The following IFITM2 variants were observed in gnomAD, a reference collection of about 807,000 sequenced individuals.
IFITM2 encodes the protein interferon induced transmembrane protein 2, also known as interferon-induced transmembrane protein 2.
IFITM2 carries 3 observed loss-of-function variants against 5.9 expected under a neutral mutation model. That is an observed-to-expected ratio of 0.51 (90% CI 0.23 to 1.32). The LOEUF (loss-of-function observed/expected upper bound fraction) is 1.32. Among genes scored for constraint, IFITM2 ranks in the 40% most tolerant of loss-of-function variants. The probability of loss-of-function intolerance (pLI) is 0.18; values close to 1 mark genes in which losing one functional copy is unlikely to be tolerated. For synonymous variants in IFITM2, 76 were observed against 72.4 expected (o/e 1.05, Z -0.25); for missense variants, 159 against 175.9 (o/e 0.90, Z 0.54).
At chr11:308,483 G>A in intron 1 of IFITM2, 45 bp downstream of exon 1, 1 of 1,608,554 alleles carries the variant, frequency 6.2e-7, no homozygotes, top group Non-Finnish European at 8.5e-7. Flanking sequence ...CGGTGAGCCT[G>A]GGGCTCCACC....
chr11:308,128 GA>G lies in IFITM2; in HGVS notation c.-63del. On this transcript the variant is annotated 5_prime_UTR_variant, in exon 1 of 2. Transcript: ENST00000616316. Reference sequence around the variant, plus strand: ...GGAAGAGGAAACTGTTGAGAAAACGGAACTACTGGGGAAAGGGAGGGCTCAC... The same window carrying G: ...GGAAGAGGAAACTGTTGAGAAAACGGACTACTGGGGAAAGGGAGGGCTCAC... 1.3e-6 allele frequency: 2 copies of G among 1,583,878 alleles called. No individual in the cohort carries two copies. Among genetic ancestry groups the G allele is most frequent in the Non-Finnish European group, 1.7e-6 (2 of 1,160,390 alleles).
At chr11:308,916 G>T in intron 1 of IFITM2, 97 bp from the exon 2 acceptor site, 2 of 1,587,352 alleles carry the variant, frequency 1.3e-6, no homozygotes, top group Non-Finnish European at 1.7e-6. Context: ...GGTGGTCCCT[G>T]ATCTCAGGGC....
At position 308,766 on chromosome 11, in the gene IFITM2, G is replaced by C. The variant is rs909099; in HGVS notation, c.247-247G>C. ...CCTTCACCTTCCAGACTGGCACCCA[G>C]GCTCTCCCAGAAAGTGAGAAGGGAA... On this transcript the variant is annotated intron_variant, in intron 1 of 1. Coordinates refer to ENST00000616316, the MANE Select transcript of IFITM2 (RefSeq NM_006435.3). 4.2e-3 allele frequency: 3,034 copies of C among 715,710 alleles called. 21 individuals are homozygous for C. The highest frequency in any genetic ancestry group is 0.038 in the African/African-American group (2,076 of 54,360). 44.3% of individuals were successfully genotyped at this position (715,710 alleles called of 1,614,324 possible).
intron 1 of IFITM2, 117 bp downstream of exon 1, chr11:308,555 G>A (rs4990600): frequency 2.2e-5 from 32 of 1,451,838 alleles, no homozygotes; most frequent in South Asian, 7.1e-5. Flanking sequence ...TTGTGTGCAC[G>A]TCTGTCCTGT....
chr11:308,183 G>C lies in IFITM2; in HGVS notation c.-10G>C, dbSNP rs372336978. 5 of 1,611,148 alleles carry C rather than the reference G, an allele frequency of 3.1e-6. No individual in the cohort carries two copies. The African/African-American group carries it at 5.3e-5, about 17-fold the overall frequency. On this transcript the variant is annotated 5_prime_UTR_variant, in exon 1 of 2. Transcript: ENST00000616316. The stretch of plus-strand genomic sequence containing the variant: ...GAACCATCCCGGTAACCCGATCACC[G>C]CTGGTCACCATGAACCACATTGTGC...
At chr11:308,631 A>G (rs1845992617) in intron 1 of IFITM2, 193 bp downstream of exon 1, 1 of 937,078 alleles carries the variant, frequency 1.1e-6, no homozygotes, top group South Asian at 1.4e-5. Flanking sequence ...GAATCTGCCC[A>G]GTGCAGGTCT....
In IFITM2 at chr11:308,312, G is replaced by A. The variant is rs571867772; in HGVS notation, c.120G>A (p.Pro40=). 23 of 1,613,838 alleles carry A rather than the reference G, an allele frequency of 1.4e-5. No homozygotes were observed. In the East Asian group the frequency reaches 2.2e-4, roughly 16 times the overall value. The change falls in exon 1 of 2, where the codon CCG becomes CCA. Residue 40 remains proline (P), a synonymous_variant. Coordinates refer to ENST00000616316, the MANE Select transcript of IFITM2 (RefSeq NM_006435.3). ...MLGVPHNPAP[P]MSTVIHIRSE... Reference sequence around the variant, plus strand: ...GGGTGCCCCACAACCCTGCTCCCCCGATGTCCACCGTGATCCACATCCGCA... The same window carrying A: ...GGGTGCCCCACAACCCTGCTCCCCCAATGTCCACCGTGATCCACATCCGCA...
chr11:308,134 C>T lies in IFITM2; in HGVS notation c.-59C>T. On this transcript the variant is annotated 5_prime_UTR_variant, in exon 1 of 2. Transcript: ENST00000616316. ...GGAAACTGTTGAGAAAACGGAACTA[C>T]TGGGGAAAGGGAGGGCTCACTGAGA... 4 of 1,591,896 alleles carry T rather than the reference C, an allele frequency of 2.5e-6. No homozygotes were observed. Among genetic ancestry groups the T allele is most frequent in the Non-Finnish European group, 3.4e-6 (4 of 1,165,222 alleles).
intron 1 of IFITM2, 100 bp from the exon 2 acceptor site, chr11:308,913 C>T: frequency 6.3e-7 from 1 of 1,581,144 alleles, no homozygotes; most frequent in East Asian, 2.3e-5. Flanking sequence ...GGAGGTGGTC[C>T]CTGATCTCAG....
rs1058935 is a variant in IFITM2 at position 308,363 on chromosome 11, G to C, written c.171G>C (p.Val57=). The C allele has an allele frequency of 0.58, 934,259 of 1,599,282 alleles. 290,630 individuals are homozygous for C. Among genetic ancestry groups the C allele is most frequent in the East Asian group, 1 (44,766 of 44,810 alleles). The change falls in exon 1 of 2, where the codon GTG becomes GTC. Residue 57 remains valine (V), a synonymous_variant. Transcript: ENST00000616316. ...GCGAGACCTCCGTGCCTGACCATGT[G>C]GTCTGGTCCCTGTTCAACACCCTCT... ...IRSETSVPDH[V]VWSLFNTLFM...
rs376647548 is a variant in IFITM2, at chr11:308,270, G to C, written c.78G>C (p.Gln26His). Reference sequence around the variant, plus strand: ...ACTACGAGATGCTCAAGGAGGAGCAGGAAGTGGCTATGCTGGGGGTGCCCC... The same window carrying C: ...ACTACGAGATGCTCAAGGAGGAGCACGAAGTGGCTATGCTGGGGGTGCCCC... ...PPNYEMLKEE[Q>H]EVAMLGVPHN... The change falls in exon 1 of 2, where the codon CAG (glutamine) becomes CAC (histidine). Residue 26 changes from glutamine (Q) to histidine (H), a missense_variant. Coordinates refer to ENST00000616316, the MANE Select transcript of IFITM2 (RefSeq NM_006435.3). 110 of 1,614,060 alleles carry C rather than the reference G, an allele frequency of 6.8e-5. No individual in the cohort carries two copies. In the African/African-American group the frequency reaches 6.9e-4, roughly 10 times the overall value.
rs749049591 is a variant in IFITM2 at position 309,059 on chromosome 11, A to G, written c.293A>G (p.Tyr98Cys). Residue 98 changes from tyrosine (Y) to cysteine (C), a missense_variant, in exon 2 of 2, where the codon TAT becomes TGT. Tyr to Cys is a radical substitution (Grantham distance 194, BLOSUM62 -2). Transcript: ENST00000616316. ...GGCGACGTGACCGGGGCCCAGGCCTATGCCTCCACCGCCAAGTGCCTGAAC... is the reference window on the plus strand; with the variant it reads ...GGCGACGTGACCGGGGCCCAGGCCTGTGCCTCCACCGCCAAGTGCCTGAAC... ...MVGDVTGAQAYASTAKCLNIW... is the reference protein window; with the variant it reads ...MVGDVTGAQACASTAKCLNIW... The G allele has an allele frequency of 1.2e-6, 2 of 1,614,172 alleles. No individual in the cohort carries two copies. Among genetic ancestry groups the G allele is most frequent in the Non-Finnish European group, 1.7e-6 (2 of 1,180,022 alleles).
chr11:308,345 C>T lies in IFITM2; in HGVS notation c.153C>T (p.Thr51=). 5 of 1,613,846 alleles carry T rather than the reference C, an allele frequency of 3.1e-6. No homozygotes were observed. The highest frequency in any genetic ancestry group is 4.2e-6 in the Non-Finnish European group (5 of 1,179,830). The change falls in exon 1 of 2, where the codon ACC becomes ACT. Residue 51 remains threonine (T), a synonymous_variant. Transcript: ENST00000616316. ...MSTVIHIRSE[T]SVPDHVVWSL... ...CCGTGATCCACATCCGCAGCGAGACCTCCGTGCCTGACCATGTGGTCTGGT... is the reference window on the plus strand; with the variant it reads ...CCGTGATCCACATCCGCAGCGAGACTTCCGTGCCTGACCATGTGGTCTGGT...
At position 309,103 on chromosome 11, in the gene IFITM2, G is replaced by A; in HGVS notation, c.337G>A (p.Gly113Ser). The change falls in exon 2 of 2, where the codon GGC (glycine) becomes AGC (serine). Residue 113 changes from glycine (G) to serine (S), a missense_variant. Physicochemically the swap from Gly to Ser is moderately conservative, Grantham distance 56. Coordinates refer to ENST00000616316, the MANE Select transcript of IFITM2 (RefSeq NM_006435.3). ...CCTGAACATCTGGGCCCTGATTTTG[G>A]GCATCTTCATGACCATTCTGCTCAT... is the stretch of plus-strand genomic sequence containing the variant. ...KCLNIWALILGIFMTILLIII... is the reference protein window; with the variant it reads ...KCLNIWALILSIFMTILLIII... 1 of 1,614,208 alleles carries A rather than the reference G, an allele frequency of 6.2e-7. No individual in the cohort carries two copies. The highest frequency in any genetic ancestry group is 8.5e-7 in the Non-Finnish European group (1 of 1,180,038).
rs776864643 is a variant in IFITM2, at chr11:309,024, G to A, written c.258G>A (p.Arg86=). The A allele has an allele frequency of 3.7e-6, 6 of 1,613,784 alleles. No individual in the cohort carries two copies. The East Asian group carries it at 1.1e-4, about 30-fold the overall frequency. ...CTCCTCTCCCCCAGTCTAGGGACAG[G>A]AAGATGGTTGGCGACGTGACCGGGG... The part of the protein sequence containing the change: ...AFAYSVKSRD[R]KMVGDVTGAQ... Residue 86 remains arginine, a synonymous_variant, in exon 2 of 2, where the codon AGG becomes AGA. Coordinates refer to ENST00000616316, the MANE Select transcript of IFITM2 (RefSeq NM_006435.3).
chr11:309,148 G>A lies in IFITM2; in HGVS notation c.382G>A (p.Val128Ile), dbSNP rs767126291. Reference sequence around the variant, plus strand: ...GCTCATCATCATCCCAGTGTTGGTCGTCCAGGCCCAGCGATAGATCAGGAG... The same window carrying A: ...GCTCATCATCATCCCAGTGTTGGTCATCCAGGCCCAGCGATAGATCAGGAG... ...ILLIIIPVLV[V>I]QAQR Residue 128 changes from valine (V) to isoleucine (I), a missense_variant, in exon 2 of 2, where the codon GTC becomes ATC. Transcript: ENST00000616316. 2.4e-5 allele frequency: 39 copies of A among 1,614,042 alleles called. 3 individuals are homozygous for A. Among genetic ancestry groups the A allele is most frequent in the South Asian group, 1.8e-4 (16 of 91,086 alleles).
rs1464267880 is a variant in IFITM2, at chr11:309,123, G to C, written c.357G>C (p.Leu119=). 2 of 1,614,196 alleles carry C rather than the reference G, an allele frequency of 1.2e-6. No homozygotes were observed. The highest frequency in any genetic ancestry group is 1.7e-6 in the Non-Finnish European group (2 of 1,180,030). The part of the protein sequence containing the change: ...ALILGIFMTI[L]LIIIPVLVVQ... ...TTTTGGGCATCTTCATGACCATTCT[G>C]CTCATCATCATCCCAGTGTTGGTCG... Residue 119 remains leucine, a synonymous_variant, in exon 2 of 2, where the codon CTG becomes CTC. Transcript: ENST00000616316.
Position 308,936 on chromosome 11 carries a change from A to C in IFITM2, c.247-77A>C, listed in dbSNP as rs558626616. ...TCCCTGATCTCAGGGCAGGGAGGAG[A>C]CAGTGAGGAGCTGGAGCCATAGCAC... is the stretch of plus-strand genomic sequence containing the variant. On this transcript the variant is annotated intron_variant, in intron 1 of 1. Transcript: ENST00000616316. 60 of 1,602,392 alleles carry C rather than the reference A, an allele frequency of 3.7e-5. 1 individual carries two copies. The South Asian group carries it at 6.0e-4, about 16-fold the overall frequency.
In IFITM2 at chr11:308,280, ATGCTGGGGG is replaced by A; in HGVS notation, c.92_100del (p.Leu31_Val33del). 2 of 1,613,890 alleles carry A rather than the reference ATGCTGGGGG, an allele frequency of 1.2e-6. No homozygotes were observed. The highest frequency in any genetic ancestry group is 1.7e-6 in the Non-Finnish European group (2 of 1,179,940). ...GCTCAAGGAGGAGCAGGAAGTGGCT[ATGCTGGGGG>A]TGCCCCACAACCCTGCTCCCCCGAT... On this transcript the variant is annotated inframe_deletion, in exon 1 of 2. Coordinates refer to ENST00000616316, the MANE Select transcript of IFITM2 (RefSeq NM_006435.3).
Sources: gnomAD v4.1 joint callset for allele counts on GRCh38, gnomAD v4.1.1 for gene constraint, MANE v1.5 for transcripts, NCBI Gene and HGNC (gene_info 2026-07-23, HGNC 2026-07-21) for gene names.